GPR176: variants seen among roughly 807,000 people sequenced by gnomAD.
GPR176 encodes G protein-coupled receptor 176, also known as G-protein coupled receptor 176.
A neutral mutation model predicts 35.4 loss-of-function variants in GPR176; 26 were observed. That is an observed-to-expected ratio of 0.74 (90% CI 0.54 to 1.02). GPR176 has a LOEUF of 1.02. GPR176 is among the 50% of genes least tolerant of loss of function. The pLI, the probability that GPR176 is intolerant of heterozygous loss-of-function variation, is 0.00. For synonymous variants in GPR176, 278 were observed against 271.3 expected, an observed-to-expected ratio of 1.02 and a Z score of -0.24; for missense variants, 597 against 665.3, an observed-to-expected ratio of 0.90 and a Z score of 1.13.
chr15:39,830,270 G>T lies in GPR176; in HGVS notation c.173-23012C>A, dbSNP rs142157872. ...ATTTATTAATTTATTAGACTGCAAG[G>T]CTCTGAGCTAAGTACCAGGTTTACA... is the stretch of plus-strand genomic sequence containing the variant. On this transcript the variant is annotated intron_variant, in intron 1 of 2. Coordinates refer to ENST00000561100, the MANE Select transcript of GPR176 (RefSeq NM_007223.3). Among the ~76,000 whole-genome samples the T allele has an allele frequency of 1.9e-3, 286 of 152,258 alleles. 8 individuals carry two copies. The East Asian group carries it at 0.036, about 19-fold the overall frequency.
chr15:39,892,547 GA>G (rs2032914105), intron 1 of GPR176, among the ~76,000 whole-genome samples: 2 of 152,196 alleles, frequency 1.3e-5, no homozygotes, highest in Admixed American at 6.5e-5. Context: ...ACCTTTTTTA[GA>G]AACAATCTTT....
At chr15:39,854,449 T>C (rs2031074097) in intron 1 of GPR176, among the ~76,000 whole-genome samples, 1 of 152,138 alleles carries the variant, frequency 6.6e-6, no homozygotes, top group African/African-American at 2.4e-5. Flanking sequence ...CTCCAAAGTA[T>C]TACCTAAGAC....
intron 1 of GPR176, among the ~76,000 whole-genome samples, chr15:39,904,664 A>C (rs1489182048): frequency 6.6e-6 from 1 of 152,198 alleles, no homozygotes; most frequent in East Asian, 1.9e-4. Flanking sequence ...GAGAAACCTG[A>C]AGAGCAAGAG....
chr15:39,912,136 A>G (rs1033954607), intron 1 of GPR176, among the ~76,000 whole-genome samples: 12 of 152,242 alleles, frequency 7.9e-5, no homozygotes, highest in Non-Finnish European at 1.3e-4. Context: ...ATAAAAACTG[A>G]AAATGAGAGT....
At chr15:39,824,347 C>A (rs1308621676) in intron 1 of GPR176, among the ~76,000 whole-genome samples, 2 of 152,218 alleles carry the variant, frequency 1.3e-5, no homozygotes. Flanking sequence ...ACAAAGGAGG[C>A]TTCCCAGACC....
intron 1 of GPR176, among the ~76,000 whole-genome samples, chr15:39,891,311 C>T (rs2032863142): frequency 6.6e-6 from 1 of 152,170 alleles, no homozygotes; most frequent in African/African-American, 2.4e-5. Flanking sequence ...TCCAAAGGGC[C>T]ACTCTCAAGA....
intron 1 of GPR176, chr15:39,862,153 G>A (rs189419779): frequency 2.6e-4 from 40 of 151,970 alleles, no homozygotes; most frequent in Admixed American, 2.4e-3. Flanking sequence ...AATTTTTACT[G>A]GTACAATCTA....
At chr15:39,847,467 C>T (rs940549213) in intron 1 of GPR176, among the ~76,000 whole-genome samples, 4 of 151,910 alleles carry the variant, frequency 2.6e-5, no homozygotes, top group East Asian at 1.9e-4. Context: ...CTCATGAGGC[C>T]GGGCACAATG....
chr15:39,867,015 G>T (rs2031857838), intron 1 of GPR176, among the ~76,000 whole-genome samples: 1 of 152,158 alleles, frequency 6.6e-6, no homozygotes, highest in African/African-American at 2.4e-5. Flanking sequence ...GGCATCCAGA[G>T]AGGAGAAAGA....
intron 1 of GPR176, among the ~76,000 whole-genome samples, chr15:39,909,512 T>C (rs404258): frequency 0.43 from 65,492 of 151,990 alleles, 14,682 homozygotes; most frequent in African/African-American, 0.55. Flanking sequence ...AAACTAATGC[T>C]TTGTCCTGCT....
In GPR176 at chr15:39,883,020, T is replaced by TA. The variant is rs566222034; in HGVS notation, c.172+36834dup. 2.3e-3 allele frequency among the ~76,000 whole-genome samples: 351 copies of TA among 152,358 alleles called. 5 individuals are homozygous for TA. In the South Asian group the frequency reaches 0.03, roughly 13 times the overall value. On this transcript the variant is annotated intron_variant, in intron 1 of 2. Transcript: ENST00000561100. ...TTATGTTGAACACTGAGAGTAAGTATAGAGCTTCTTTGAGAAGACTGAACA... is the reference window on the plus strand; with the variant it reads ...TTATGTTGAACACTGAGAGTAAGTATAAGAGCTTCTTTGAGAAGACTGAACA...
rs565505380 is a variant in GPR176 at position 39,907,866 on chromosome 15, T to C, written c.172+11989A>G. On this transcript the variant is annotated intron_variant, in intron 1 of 2. Coordinates refer to ENST00000561100, the MANE Select transcript of GPR176 (RefSeq NM_007223.3). ...CGGGCATGGTGGCGTATGCCTGTAA[T>C]CCCAGCTACTCAGGAGGCTGAGGCA... 5.9e-5 allele frequency among the ~76,000 whole-genome samples: 9 copies of C among 152,258 alleles called. No individual in the cohort carries two copies. The East Asian group carries it at 1.7e-3, about 29-fold the overall frequency.
At chr15:39,902,397 A>G (rs1369508817) in intron 1 of GPR176, among the ~76,000 whole-genome samples, 1 of 152,206 alleles carries the variant, frequency 6.6e-6, no homozygotes, top group Non-Finnish European at 1.5e-5. Flanking sequence ...GTTCCATCCA[A>G]TCTTAAGAAT....
chr15:39,916,180 A>G (rs2033721169), intron 1 of GPR176, among the ~76,000 whole-genome samples: 1 of 152,190 alleles, frequency 6.6e-6, no homozygotes, highest in Non-Finnish European at 1.5e-5. Context: ...TGAGGAGTTC[A>G]ATCCACCATT....
At chr15:39,863,386 A>G (rs1049570589) in intron 1 of GPR176, among the ~76,000 whole-genome samples, 1 of 150,628 alleles carries the variant, frequency 6.6e-6, no homozygotes, top group African/African-American at 2.4e-5. Flanking sequence ...TCTATTTAAA[A>G]TAGAATATAG....
At chr15:39,839,049 G>A (rs1052102405) in intron 1 of GPR176, among the ~76,000 whole-genome samples, 26 of 151,982 alleles carry the variant, frequency 1.7e-4, no homozygotes, top group African/African-American at 3.9e-4. Flanking sequence ...TTGTGAAAAC[G>A]GCCATACTGC....
chr15:39,850,387 C>G (rs2030773052), intron 1 of GPR176, among the ~76,000 whole-genome samples: 1 of 152,306 alleles, frequency 6.6e-6, no homozygotes, highest in African/African-American at 2.4e-5. Context: ...AGACTGAATG[C>G]TTTCTCCCCA....
At chr15:39,917,975 G>T (rs2033770244) in intron 1 of GPR176, among the ~76,000 whole-genome samples, 1 of 149,356 alleles carries the variant, frequency 6.7e-6, no homozygotes, top group Non-Finnish European at 1.5e-5. Context: ...AACCCAGGAG[G>T]CAGAGGTTGC....
intron 1 of GPR176, among the ~76,000 whole-genome samples, chr15:39,883,532 C>A (rs1292192172): frequency 6.6e-6 from 1 of 152,076 alleles, no homozygotes; most frequent in Non-Finnish European, 1.5e-5. Context: ...AAGTTTCCCC[C>A]ATCTCATTTA....
Sources: gnomAD v4.1 joint callset for allele counts (sites outside exome capture counted in the v4.1 genomes callset) on GRCh38, gnomAD v4.1.1 for gene constraint, MANE v1.5 for transcripts, NCBI Gene and HGNC (gene_info 2026-07-23, HGNC 2026-07-21) for gene names.